The following HEPHL1 variants were observed in gnomAD, a reference collection of about 807,000 sequenced individuals.
HEPHL1 encodes hephaestin like 1.
HEPHL1 carries 123 observed loss-of-function variants against 122.0 expected under a neutral mutation model. The observed-to-expected ratio is 1.01, with a 90% CI of 0.87 to 1.17. HEPHL1 has a LOEUF of 1.17. HEPHL1 is among the 50% of genes most tolerant of loss of function. The pLI is 0.00. For missense variants in HEPHL1, 1,452 were observed against 1,430.5 expected, an observed-to-expected ratio of 1.01 and a Z score of -0.24; for synonymous variants, 527 against 508.9, an observed-to-expected ratio of 1.04 and a Z score of -0.48.
chr11:94,109,963 A>G (rs1440804297), intron 17 of HEPHL1, among the ~76,000 whole-genome samples: 1 of 152,174 alleles, frequency 6.6e-6, no homozygotes, highest in Non-Finnish European at 1.5e-5. Flanking sequence ...TCTGGAGTTT[A>G]ATTTGTTGGA....
At chr11:94,025,460 C>T (rs778162020) in intron 1 of HEPHL1, among the ~76,000 whole-genome samples, 1 of 152,170 alleles carries the variant, frequency 6.6e-6, no homozygotes. Context: ...TTTAAAGCCA[C>T]AGTTCTCACC....
At chr11:94,051,236 C>A (rs1468165774) in intron 2 of HEPHL1, among the ~76,000 whole-genome samples, 2 of 152,140 alleles carry the variant, frequency 1.3e-5, no homozygotes, top group African/African-American at 2.4e-5. Flanking sequence ...AAACTGCTCT[C>A]CCTAGTGGTT....
At chr11:94,065,285 A>C (rs1185481836) in intron 4 of HEPHL1, among the ~76,000 whole-genome samples, 1 of 152,190 alleles carries the variant, frequency 6.6e-6, no homozygotes, top group Admixed American at 6.5e-5. Context: ...AGGTATCCTC[A>C]ATATAGTCAT....
Position 94,112,090 on chromosome 11 carries a change from C to A in HEPHL1, c.*196C>A. 2.4e-6 allele frequency: 1 copy of A among 412,766 alleles called. No individual in the cohort carries two copies. Among genetic ancestry groups the A allele is most frequent in the Non-Finnish European group, 4.3e-6 (1 of 234,930 alleles). The allele number at this position is 412,766 out of a possible 1,614,324, so 25.6% of individuals were successfully genotyped here. A position where few individuals can be genotyped will look rare whatever the true frequency, so the allele number is the denominator to read the frequency against. On this transcript the variant is annotated 3_prime_UTR_variant, in exon 20 of 20. Transcript: ENST00000315765. ...TATTTTTAAATGGGCTGCGAATAATCCTCAGGTATAAAACACAGAAAAAGG... is the reference window on the plus strand; with the variant it reads ...TATTTTTAAATGGGCTGCGAATAATACTCAGGTATAAAACACAGAAAAAGG...
At chr11:94,083,104 A>T (rs891263799) in intron 10 of HEPHL1, among the ~76,000 whole-genome samples, 2 of 150,158 alleles carry the variant, frequency 1.3e-5, no homozygotes, top group African/African-American at 2.5e-5. Flanking sequence ...AAAAAAATTT[A>T]AACTAGCCAA....
At chr11:94,046,976 C>T (rs1054578535) in intron 2 of HEPHL1, among the ~76,000 whole-genome samples, 1 of 152,102 alleles carries the variant, frequency 6.6e-6, no homozygotes, top group Non-Finnish European at 1.5e-5. Flanking sequence ...ACAAATATCC[C>T]AAGGCAGCCT....
intron 10 of HEPHL1, among the ~76,000 whole-genome samples, chr11:94,083,261 A>C (rs1289594815): frequency 1.3e-5 from 2 of 152,228 alleles, no homozygotes; most frequent in Non-Finnish European, 2.9e-5. Context: ...TGAATGATTT[A>C]ATTAAGTAGT....
At position 94,023,048 on chromosome 11, in the gene HEPHL1, A is replaced by T. The variant is rs139972290; in HGVS notation, c.170+1510A>T. Among the ~76,000 whole-genome samples the T allele has an allele frequency of 1.7e-4, 26 of 152,308 alleles. No homozygotes were observed. In the East Asian group the frequency reaches 5.0e-3, roughly 29 times the overall value. ...GCATTTATTCTGACCCAAAAATTCT[A>T]TGAGGGATTTTTCAATTCATTACTG... On this transcript the variant is annotated intron_variant, in intron 1 of 19. Transcript: ENST00000315765.
intron 4 of HEPHL1, among the ~76,000 whole-genome samples, chr11:94,064,831 TAGAC>T (rs1453798031): frequency 6.6e-6 from 1 of 152,170 alleles, no homozygotes; most frequent in African/African-American, 2.4e-5. Flanking sequence ...TGGGTGGGCT[TAGAC>T]TGACTGGAAG....
chr11:94,066,902 C>A (rs1408611762), intron 4 of HEPHL1, among the ~76,000 whole-genome samples: 1 of 152,158 alleles, frequency 6.6e-6, no homozygotes, highest in East Asian at 1.9e-4. Context: ...AGATTCTGCT[C>A]CAGCAACATG....
chr11:94,075,189 G>T lies in HEPHL1; in HGVS notation c.1520G>T (p.Gly507Val), dbSNP rs199540228. The change falls in exon 9 of 20, where the codon GGG becomes GTG. Residue 507 changes from glycine (G) to valine (V), a missense_variant. Coordinates refer to ENST00000315765, the MANE Select transcript of HEPHL1 (RefSeq NM_001098672.2). ...APNLDGFVKPGAHVKPGETFT... is the reference protein window; with the variant it reads ...APNLDGFVKPVAHVKPGETFT... ...ATATCCTCAGGATTTGTGAAACCAG[G>T]GGCGCATGTTAAACCAGGTGAAACC... 1 of 1,612,838 alleles carries T rather than the reference G, an allele frequency of 6.2e-7. No individual in the cohort carries two copies. Among genetic ancestry groups the T allele is most frequent in the South Asian group, 1.1e-5 (1 of 90,924 alleles).
chr11:94,065,506 T>C (rs927066171), intron 4 of HEPHL1, among the ~76,000 whole-genome samples: 17 of 152,330 alleles, frequency 1.1e-4, no homozygotes, highest in Admixed American at 3.9e-4. Flanking sequence ...TGTCAGTACA[T>C]TGATTATTTC....
At chr11:94,024,875 A>G (rs1260486136) in intron 1 of HEPHL1, among the ~76,000 whole-genome samples, 4 of 152,160 alleles carry the variant, frequency 2.6e-5, no homozygotes, top group African/African-American at 9.7e-5. Flanking sequence ...ACAATATCCT[A>G]TGGAGGATCC....
intron 1 of HEPHL1, among the ~76,000 whole-genome samples, chr11:94,039,302 G>A (rs1469793946): frequency 6.6e-6 from 1 of 151,184 alleles, no homozygotes; most frequent in South Asian, 2.1e-4. Context: ...GTCAACATTA[G>A]ACAGATCAAC....
intron 2 of HEPHL1, among the ~76,000 whole-genome samples, chr11:94,056,656 ATTATCTATCTATCTATC>A (rs1330538332): frequency 2.2e-4 from 24 of 106,966 alleles, no homozygotes; most frequent in Non-Finnish European, 3.3e-4. Flanking sequence ...GCTATTATTG[ATTATCTATCTATCTATC>A]TATCTATCTA....
intron 14 of HEPHL1, among the ~76,000 whole-genome samples, chr11:94,102,135 G>A (rs1450267216): frequency 2.6e-5 from 4 of 152,034 alleles, no homozygotes; most frequent in East Asian, 3.9e-4. Flanking sequence ...ATCCCCTGGG[G>A]GTCTTGGAAT....
At chr11:94,108,169 CT>C (rs1946423225) in intron 17 of HEPHL1, among the ~76,000 whole-genome samples, 1 of 152,068 alleles carries the variant, frequency 6.6e-6, no homozygotes, top group Non-Finnish European at 1.5e-5. Context: ...TATTGAGCAT[CT>C]TTTCATGTGT....
chr11:94,089,687 C>A (rs1946249532), intron 12 of HEPHL1, among the ~76,000 whole-genome samples: 1 of 151,610 alleles, frequency 6.6e-6, no homozygotes, highest in African/African-American at 2.4e-5. Flanking sequence ...CAGGCGCAGA[C>A]CACAGACCTC....
intron 10 of HEPHL1, among the ~76,000 whole-genome samples, chr11:94,084,083 G>A (rs1370201078): frequency 6.6e-6 from 1 of 152,074 alleles, no homozygotes; most frequent in Admixed American, 6.5e-5. Flanking sequence ...CCAGCACTTT[G>A]GGAGGTCAAG....
Sources: gnomAD v4.1 joint callset for allele counts (sites outside exome capture counted in the v4.1 genomes callset) on GRCh38, gnomAD v4.1.1 for gene constraint, MANE v1.5 for transcripts, NCBI Gene and HGNC (gene_info 2026-07-23, HGNC 2026-07-21) for gene names.